PDE6C: variants seen among roughly 807,000 people sequenced by gnomAD.
PDE6C encodes cone cGMP-specific 3',5'-cyclic phosphodiesterase subunit alpha'.
In PDE6C, 75 loss-of-function variants were observed where a neutral mutation model predicts 113.1. That is an observed-to-expected ratio of 0.66 (90% CI 0.55 to 0.80). The LOEUF is 0.80. Among genes scored for constraint, PDE6C ranks in the 30% least tolerant of loss-of-function variants. The pLI, the probability that PDE6C is intolerant of heterozygous loss-of-function variation, is 0.00. For missense variants in PDE6C, 912 were observed against 1,038.6 expected, an observed-to-expected ratio of 0.88 and a Z score of 1.67; for synonymous variants, 375 against 363.7, an observed-to-expected ratio of 1.03 and a Z score of -0.35.
At chr10:93,632,202 T>C (rs1266520885) in intron 8 of PDE6C, among the ~76,000 whole-genome samples, 1 of 152,196 alleles carries the variant, frequency 6.6e-6, no homozygotes, top group South Asian at 2.1e-4. Flanking sequence ...TTACATTGGG[T>C]CCACCTGGAA....
chr10:93,646,882 C>T (rs12261871), intron 15 of PDE6C, among the ~76,000 whole-genome samples: 4,440 of 152,200 alleles, frequency 0.029, 205 homozygotes, highest in African/African-American at 0.1. Context: ...GTAGGCATGA[C>T]GTAGCCACCA....
intron 10 of PDE6C, 64 bp downstream of exon 10, chr10:93,635,704 C>A: frequency 6.5e-7 from 1 of 1,526,858 alleles, no homozygotes; most frequent in Middle Eastern, 1.7e-4. Flanking sequence ...TAGAAGTCAT[C>A]TAATTACCCA....
intron 16 of PDE6C, among the ~76,000 whole-genome samples, chr10:93,657,433 C>T (rs1194582822): frequency 1.3e-5 from 2 of 148,216 alleles, no homozygotes; most frequent in African/African-American, 2.5e-5. Context: ...ATCCACCCAC[C>T]TTGGCCTCCC....
chr10:93,639,471 A>ATTAATTAAATGAAAT (rs2134610660), intron 11 of PDE6C, among the ~76,000 whole-genome samples: 1 of 152,340 alleles, frequency 6.6e-6, no homozygotes, highest in South Asian at 2.1e-4. Flanking sequence ...AATGTCTGCA[A>ATTAATTAAATGAAAT]GTATACCTAT....
At chr10:93,658,418 T>C (rs1188255640) in intron 16 of PDE6C, among the ~76,000 whole-genome samples, 2 of 152,124 alleles carry the variant, frequency 1.3e-5, no homozygotes, top group African/African-American at 2.4e-5. Flanking sequence ...TGATATCTTA[T>C]CATAGTTTGG....
chr10:93,632,440 G>A (rs899413963), intron 8 of PDE6C, among the ~76,000 whole-genome samples: 1 of 152,184 alleles, frequency 6.6e-6, no homozygotes, highest in African/African-American at 2.4e-5. Flanking sequence ...AGGAGGAAAA[G>A]TGTATAGAAT....
intron 16 of PDE6C, among the ~76,000 whole-genome samples, chr10:93,658,228 A>G (rs2058649657): frequency 6.7e-6 from 1 of 149,612 alleles, no homozygotes; most frequent in African/African-American, 2.5e-5. Flanking sequence ...GAAAGAAAGA[A>G]AAAGAAAAAT....
At chr10:93,635,278 T>G (rs1317157554) in intron 9 of PDE6C, among the ~76,000 whole-genome samples, 2 of 152,156 alleles carry the variant, frequency 1.3e-5, no homozygotes, top group African/African-American at 4.8e-5. Context: ...TGGTAACACC[T>G]CTCTCTTCTA....
In PDE6C at chr10:93,644,501, C is replaced by T. The variant is rs1356972255; in HGVS notation, c.1848-1459C>T. On this transcript the variant is annotated intron_variant, in intron 14 of 21. Transcript: ENST00000371447. ...TTCATATGATGTGCAATAGTCAAAT[C>T]AGGATAATTGAGATATCCATCACCT... 3.9e-5 allele frequency among the ~76,000 whole-genome samples: 6 copies of T among 151,974 alleles called. No individual in the cohort carries two copies. The South Asian group carries it at 8.3e-4, about 21-fold the overall frequency.
chr10:93,661,887 C>T (rs577433416), intron 18 of PDE6C, among the ~76,000 whole-genome samples, 172 bp from the exon 19 acceptor site: 7 of 152,268 alleles, frequency 4.6e-5, no homozygotes, highest in Middle Eastern at 6.8e-3. Context: ...GCTCCCCTTT[C>T]GCATTTCAAT....
chr10:93,648,276 C>T (rs2058593835), intron 15 of PDE6C, among the ~76,000 whole-genome samples: 1 of 152,036 alleles, frequency 6.6e-6, no homozygotes, highest in Admixed American at 6.6e-5. Flanking sequence ...GTAATCTATA[C>T]CATCTTTTCA....
chr10:93,664,271 T>C (rs776806494), intron 21 of PDE6C, among the ~76,000 whole-genome samples: 1 of 152,180 alleles, frequency 6.6e-6, no homozygotes, highest in Non-Finnish European at 1.5e-5. Context: ...GGAGAAGGCT[T>C]TCCTGAAGAA....
In PDE6C at chr10:93,621,033, G is replaced by A. The variant is rs1223306; in HGVS notation, c.723+53G>A. 0.52 allele frequency: 746,113 copies of A among 1,447,468 alleles called. 195,313 individuals carry two copies. Among genetic ancestry groups the A allele is most frequent in the South Asian group, 0.6 (52,938 of 87,680 alleles). The allele number at this position is 1,447,468 out of a possible 1,614,324, so 89.7% of individuals were successfully genotyped here. ...CATGCTGACCTATTCTGACAAAGCC[G>A]CCCAGAGACAACAAATTCAGACCCC... On this transcript the variant is annotated intron_variant, in intron 3 of 21. Transcript: ENST00000371447.
At chr10:93,655,667 A>G (rs986096954) in intron 15 of PDE6C, 93 bp from the exon 16 acceptor site, 4 of 721,628 alleles carry the variant, frequency 5.5e-6, no homozygotes, top group Non-Finnish European at 7.5e-6. Context: ...AAAAGTGTTG[A>G]AAGACTTTTA....
intron 14 of PDE6C, 140 bp downstream of exon 14, chr10:93,641,169 C>G (rs965109230): frequency 1.6e-6 from 1 of 636,364 alleles, no homozygotes; most frequent in African/African-American, 1.8e-5. Context: ...GGATTCTATT[C>G]CCTCCCAAGC....
At chr10:93,614,668 A>G (rs1473758892) in intron 1 of PDE6C, among the ~76,000 whole-genome samples, 1 of 152,186 alleles carries the variant, frequency 6.6e-6, no homozygotes, top group Non-Finnish European at 1.5e-5. Context: ...AGAGATGGGT[A>G]AAATGATTTC....
At chr10:93,646,626 G>A (rs2134618053) in intron 15 of PDE6C, among the ~76,000 whole-genome samples, 1 of 152,270 alleles carries the variant, frequency 6.6e-6, no homozygotes, top group South Asian at 2.1e-4. Context: ...TGAAGGGGGA[G>A]CGAGCACTTC....
chr10:93,653,282 C>A (rs1190176764), intron 15 of PDE6C, among the ~76,000 whole-genome samples: 1 of 152,138 alleles, frequency 6.6e-6, no homozygotes, highest in Non-Finnish European at 1.5e-5. Context: ...TAACCTGTAT[C>A]CAGATTTGAT....
chr10:93,646,258 G>A (rs1564802833), intron 15 of PDE6C, among the ~76,000 whole-genome samples: 1 of 152,306 alleles, frequency 6.6e-6, no homozygotes, highest in East Asian at 1.9e-4. Flanking sequence ...GCCATGGAAA[G>A]TCACAGAATC....
Sources: gnomAD v4.1 joint callset for allele counts (sites outside exome capture counted in the v4.1 genomes callset) on GRCh38, gnomAD v4.1.1 for gene constraint, MANE v1.5 for transcripts, NCBI Gene and HGNC (gene_info 2026-07-23, HGNC 2026-07-21) for gene names.